EPHA6: variants seen among roughly 807,000 people sequenced by gnomAD.
The protein encoded by EPHA6 is EPH receptor A6.
A neutral mutation model predicts 112.0 loss-of-function variants in EPHA6; 50 were observed. The observed-to-expected ratio is 0.45, with a 90% confidence interval of 0.36 to 0.56. EPHA6 has a LOEUF of 0.56. Among genes scored for constraint, EPHA6 ranks in the 20% least tolerant of loss-of-function variants. The pLI is 0.00. For missense variants in EPHA6, 1,280 were observed against 1,417.4 expected, an observed-to-expected ratio of 0.90 and a Z score of 1.56; for synonymous variants, 529 against 490.7, an observed-to-expected ratio of 1.08 and a Z score of -1.03.
intron 3 of EPHA6, among the ~76,000 whole-genome samples, chr3:97,103,387 A>G (rs1006950858): frequency 6.6e-6 from 1 of 152,076 alleles, no homozygotes; most frequent in Non-Finnish European, 1.5e-5. Flanking sequence ...AGCACCATTT[A>G]CTGAATAGGG....
chr3:96,858,305 T>TA (rs1310358756), intron 1 of EPHA6, among the ~76,000 whole-genome samples: 1 of 152,048 alleles, frequency 6.6e-6, no homozygotes, highest in Non-Finnish European at 1.5e-5. Context: ...CTTAGAGAAT[T>TA]ACATGGTTTA....
chr3:96,987,639 A>G lies in EPHA6; in HGVS notation c.760A>G (p.Met254Val), dbSNP rs771118376. ...TIAADESFTQ[M>V]DLGDRILKLN... ...TGCTGCTGATGAGAGTTTTACCCAG[A>G]TGGATTTGGGTGATCGCATCCTCAA... The change falls in exon 3 of 18, where the codon ATG becomes GTG. Residue 254 changes from methionine to valine, a missense_variant. Physicochemically the swap from Met to Val is conservative, Grantham distance 21. This residue lies in a region of EPHA6 where 878 missense variants were observed against 999.7 expected (regional missense o/e 0.88). Transcript: ENST00000389672. 6.2e-7 allele frequency: 1 copy of G among 1,610,720 alleles called. No individual in the cohort carries two copies. The highest frequency in any genetic ancestry group is 8.5e-7 in the Non-Finnish European group (1 of 1,177,334).
chr3:97,018,298 C>T (rs1030257415), intron 3 of EPHA6, among the ~76,000 whole-genome samples: 1 of 151,722 alleles, frequency 6.6e-6, no homozygotes, highest in African/African-American at 2.4e-5. Flanking sequence ...TCCCCATGTG[C>T]GGAGACGAGA....
intron 10 of EPHA6, among the ~76,000 whole-genome samples, chr3:97,502,049 G>C (rs995093896): frequency 2.0e-5 from 3 of 151,802 alleles, no homozygotes; most frequent in Non-Finnish European, 4.4e-5. Context: ...CCTATACCCA[G>C]GGCTTACGTA....
At chr3:97,700,612 G>A (rs1468853934) in intron 14 of EPHA6, among the ~76,000 whole-genome samples, 1 of 152,148 alleles carries the variant, frequency 6.6e-6, no homozygotes, top group Non-Finnish European at 1.5e-5. Flanking sequence ...AATATCTAAA[G>A]TCAAGGCTGC....
chr3:97,030,132 A>G (rs949033031), intron 3 of EPHA6, among the ~76,000 whole-genome samples: 1 of 152,102 alleles, frequency 6.6e-6, no homozygotes, highest in Non-Finnish European at 1.5e-5. Flanking sequence ...TCCTTTCTCC[A>G]AATCAGTTGA....
chr3:96,978,738 T>C (rs928864503), intron 2 of EPHA6, among the ~76,000 whole-genome samples: 4 of 152,180 alleles, frequency 2.6e-5, no homozygotes, highest in African/African-American at 4.8e-5. Context: ...CCTTATGCAC[T>C]GTATTTGAGA....
rs184452415 is a variant in EPHA6, at chr3:97,575,147, T to A, written c.2387-17465T>A. 2.6e-4 allele frequency among the ~76,000 whole-genome samples: 40 copies of A among 152,302 alleles called. No homozygotes were observed. The East Asian group carries it at 5.6e-3, about 21-fold the overall frequency. On this transcript the variant is annotated intron_variant, in intron 11 of 17. Transcript: ENST00000389672. Reference sequence around the variant, plus strand: ...AGGAAATTAGAACATTGTCATTTACTCTTGATAATAATTTAAATTGATATA... The same window carrying A: ...AGGAAATTAGAACATTGTCATTTACACTTGATAATAATTTAAATTGATATA...
chr3:96,820,788 T>TTTTTATATGTAGTTA (rs1191220606), intron 1 of EPHA6, among the ~76,000 whole-genome samples: 5 of 152,028 alleles, frequency 3.3e-5, no homozygotes, highest in Non-Finnish European at 7.4e-5. Context: ...ACATGGTAAC[T>TTTTTATATGTAGTTA]TTTTATATGT....
At chr3:97,147,859 C>T (rs2076081066) in intron 3 of EPHA6, among the ~76,000 whole-genome samples, 1 of 151,956 alleles carries the variant, frequency 6.6e-6, no homozygotes, top group South Asian at 2.1e-4. Context: ...AGAAAAGAAA[C>T]TGGAAAACCG....
At chr3:97,119,679 G>C (rs1337237651) in intron 3 of EPHA6, among the ~76,000 whole-genome samples, 1 of 152,016 alleles carries the variant, frequency 6.6e-6, no homozygotes, top group East Asian at 1.9e-4. Flanking sequence ...TAATAGCTTT[G>C]TTTTGCCCGT....
intron 7 of EPHA6, among the ~76,000 whole-genome samples, chr3:97,461,820 AT>A (rs1311735050): frequency 6.6e-6 from 1 of 152,114 alleles, no homozygotes; most frequent in Non-Finnish European, 1.5e-5. Context: ...GCACTGGACA[AT>A]TTGACTCAGC....
intron 2 of EPHA6, among the ~76,000 whole-genome samples, chr3:96,894,178 A>G (rs1313308602): frequency 6.6e-6 from 1 of 152,192 alleles, no homozygotes; most frequent in Non-Finnish European, 1.5e-5. Flanking sequence ...AGGGTCTTCA[A>G]GTATGTCAGT....
intron 3 of EPHA6, among the ~76,000 whole-genome samples, chr3:96,994,732 T>TATATATAGAGAGAGAGAGAG (rs1170197805): frequency 9.7e-5 from 8 of 82,196 alleles, no homozygotes; most frequent in African/African-American, 3.9e-4. Context: ...TATATATATA[T>TATATATAGAGAGAGAGAGAG]AGAGAGAGAG....
rs193279128 is a variant in EPHA6, at chr3:97,003,634, A to G, written c.1114+15641A>G. On this transcript the variant is annotated intron_variant, in intron 3 of 17. Coordinates refer to ENST00000389672, the MANE Select transcript of EPHA6 (RefSeq NM_001080448.3). ...GTAGTGAAGCAATAACTTTTTAAAA[A>G]TGATTTGCTTTCCTATTTCTTTTTT... Among the ~76,000 whole-genome samples the G allele has an allele frequency of 2.6e-5, 4 of 152,296 alleles. 1 individual carries two copies. The highest frequency in any genetic ancestry group is 2.6e-4 in the Admixed American group (4 of 15,280).
intron 1 of EPHA6, among the ~76,000 whole-genome samples, chr3:96,856,806 T>C (rs1052224209): frequency 2.0e-5 from 3 of 152,160 alleles, no homozygotes; most frequent in Admixed American, 1.3e-4. Flanking sequence ...TAATTTGGTC[T>C]TTTGAATGGA....
intron 2 of EPHA6, among the ~76,000 whole-genome samples, chr3:96,867,162 A>G (rs1053999890): frequency 2.6e-5 from 4 of 151,922 alleles, no homozygotes; most frequent in African/African-American, 9.7e-5. Context: ...TTCCTTAAAT[A>G]TAAATTTCTG....
In EPHA6 at chr3:97,510,893, A is replaced by G. The variant is rs562920196; in HGVS notation, c.2201-21465A>G. 4.6e-5 allele frequency among the ~76,000 whole-genome samples: 7 copies of G among 152,310 alleles called. No individual in the cohort carries two copies. The South Asian group carries it at 1.2e-3, about 27-fold the overall frequency. ...CTTTCAGAGATGCCCTGCCCAGAGA[A>G]GAGGAATCTTGAGAGGCAGTCTGGC... On this transcript the variant is annotated intron_variant, in intron 10 of 17. Coordinates refer to ENST00000389672, the MANE Select transcript of EPHA6 (RefSeq NM_001080448.3).
chr3:97,014,916 G>A (rs1205090761), intron 3 of EPHA6, among the ~76,000 whole-genome samples: 1 of 152,106 alleles, frequency 6.6e-6, no homozygotes, highest in Non-Finnish European at 1.5e-5. Context: ...TCTTTTCCCA[G>A]AAGATTAGCA....
Sources: allele counts gnomAD v4.1 joint callset (sites outside exome capture counted in the v4.1 genomes callset), GRCh38; gene constraint gnomAD v4.1.1; regional missense constraint gnomAD v4.1.1; transcripts MANE v1.5; gene names NCBI Gene and HGNC (gene_info 2026-07-23, HGNC 2026-07-21).